WDR81: variants seen among roughly 807,000 people sequenced by gnomAD.
The protein encoded by WDR81 is WD repeat domain 81.
Under a neutral mutation model 140.8 loss-of-function variants are expected in WDR81, and 92 were observed. The observed-to-expected ratio is 0.65, with a 90% confidence interval of 0.55 to 0.78. WDR81 has a LOEUF of 0.78. Among genes scored for constraint, WDR81 ranks in the 30% least tolerant of loss-of-function variants. The pLI is 0.00. For missense variants in WDR81, 2,502 were observed against 2,636.4 expected (o/e 0.95, Z 1.12); for synonymous variants, 1,183 against 1,156.4 (o/e 1.02, Z -0.47).
chr17:1,725,898 G>C lies in WDR81; in HGVS notation c.939G>C (p.Glu313Asp). The change falls in exon 1 of 10, where the codon GAG becomes GAC. Residue 313 changes from glutamate to aspartate, a missense_variant. By Grantham distance (45) the Glu-to-Asp change is conservative (BLOSUM62 2). Transcript: ENST00000409644. The part of the protein sequence containing the change: ...LSAYERPEED[E>D]NEEAPVARDE... ...CTTATGAGAGGCCCGAGGAGGACGAGAATGAGGAGGCCCCTGTGGCAAGGG... is the reference window on the plus strand; with the variant it reads ...CTTATGAGAGGCCCGAGGAGGACGACAATGAGGAGGCCCCTGTGGCAAGGG... 6.4e-7 allele frequency: 1 copy of C among 1,550,864 alleles called. No homozygotes were observed. The highest frequency in any genetic ancestry group is 8.7e-7 in the Non-Finnish European group (1 of 1,146,974).
At position 1,732,846 on chromosome 17, in the gene WDR81, C is replaced by T. The variant is rs373245379; in HGVS notation, c.4489+15C>T. ...CTGCCTGTTGGGTACTGCCCCATCA[C>T]GTTCCCCATCACAGTCTTCGTGGCT... On this transcript the variant is annotated intron_variant, in intron 6 of 9. Coordinates refer to ENST00000409644, the MANE Select transcript of WDR81 (RefSeq NM_001163809.2). 1.3e-5 allele frequency: 20 copies of T among 1,582,778 alleles called. No homozygotes were observed. Among genetic ancestry groups the T allele is most frequent in the Middle Eastern group, 3.4e-4 (2 of 5,952 alleles).
rs1346526023 is a variant in WDR81, at chr17:1,737,700, T to C, written c.*15T>C. On this transcript the variant is annotated 3_prime_UTR_variant, in exon 10 of 10. Transcript: ENST00000409644. ...TCCTGGCATAGACTGAGGCAGGAGC[T>C]GGCCGGGCAAGGGTGGGAAGACATC... 1 of 1,594,410 alleles carries C rather than the reference T, an allele frequency of 6.3e-7. No homozygotes were observed. Among genetic ancestry groups the C allele is most frequent in the South Asian group, 1.1e-5 (1 of 88,962 alleles).
chr17:1,738,487 ACAT>A lies in WDR81; in HGVS notation c.*803_*805del, dbSNP rs1905076951. 1 of 152,684 alleles carries A rather than the reference ACAT, an allele frequency of 6.5e-6. No individual in the cohort carries two copies. Among genetic ancestry groups the A allele is most frequent in the South Asian group, 2.1e-4 (1 of 4,848 alleles). 9.5% of individuals were successfully genotyped at this position (152,684 alleles called of 1,614,324 possible). On this transcript the variant is annotated 3_prime_UTR_variant, in exon 10 of 10. Coordinates refer to ENST00000409644, the MANE Select transcript of WDR81 (RefSeq NM_001163809.2). ...AAGACTTAAGCATCCCTGCGACCTC[ACAT>A]TCTAGACAGAGATGAGGTCCAGGGG...
chr17:1,726,008 T>C lies in WDR81; in HGVS notation c.1049T>C (p.Leu350Pro). Residue 350 changes from leucine (L) to proline (P), a missense_variant, in exon 1 of 10, where the codon CTA (leucine) becomes CCA (proline). Physicochemically the swap from Leu to Pro is moderately conservative, Grantham distance 98. Around this residue, in one of 3 missense-constraint regions of WDR81, gnomAD observed 547 missense variants for 513.8 expected, o/e 1.06. Transcript: ENST00000409644. ...CAGGAGGAACTTCGGAGCCTCGTGC[T>C]AGATTGGGTCCACGGCCGCATCAGC... Reference protein sequence around the residue: ...TGQEELRSLVLDWVHGRISNF... With the variant: ...TGQEELRSLVPDWVHGRISNF... 4.5e-6 allele frequency: 7 copies of C among 1,547,302 alleles called. No homozygotes were observed. The highest frequency in any genetic ancestry group is 6.1e-6 in the Non-Finnish European group (7 of 1,144,742).
rs1219298868 is a variant in WDR81 at position 1,728,343 on chromosome 17, G to T, written c.3384G>T (p.Gly1128=). The change falls in exon 1 of 10, where the codon GGG becomes GGT. Residue 1128 remains glycine, a synonymous_variant. Coordinates refer to ENST00000409644, the MANE Select transcript of WDR81 (RefSeq NM_001163809.2). ...SLGEERAPDE[G]GAPVDKSSLR... is the part of the protein sequence containing the mutation. ...GTGAGGAGCGGGCTCCAGACGAGGG[G>T]GGTGCCCCCGTGGACAAGAGCAGCC... 9 of 1,612,914 alleles carry T rather than the reference G, an allele frequency of 5.6e-6. No homozygotes were observed. The highest frequency in any genetic ancestry group is 6.8e-6 in the Non-Finnish European group (8 of 1,180,020).
chr17:1,736,179 A>G lies in WDR81; in HGVS notation c.5466A>G (p.Arg1822=). ...LLDTRTGLVL[R]GWPAHEGDIL... is the part of the protein sequence containing the mutation. ...ACACCCGCACAGGCCTGGTTCTGCG[A>G]GGCTGGCCAGCCCACGAGGGGGACA... The change falls in exon 9 of 10, where the codon CGA becomes CGG. Residue 1822 remains arginine, a synonymous_variant. Transcript: ENST00000409644. 2.5e-6 allele frequency: 4 copies of G among 1,599,506 alleles called. No individual in the cohort carries two copies. Among genetic ancestry groups the G allele is most frequent in the Non-Finnish European group, 3.4e-6 (4 of 1,179,622 alleles).
chr17:1,734,252 C>CT, intron 7 of WDR81, 36 bp downstream of exon 7: 1 of 1,503,132 alleles, frequency 6.7e-7, no homozygotes, highest in Non-Finnish European at 8.9e-7. Context: ...TCTCTTCCTG[C>CT]TCCTGCGCCC....
At position 1,727,830 on chromosome 17, in the gene WDR81, T is replaced by C. The variant is rs369322431; in HGVS notation, c.2871T>C (p.Asn957=). 2,177 of 1,550,572 alleles carry C rather than the reference T, an allele frequency of 1.4e-3. 6 individuals carry two copies. The highest frequency in any genetic ancestry group is 5.3e-3 in the Middle Eastern group (32 of 5,992). ...EPVAKALGPK[N]ANKYLLKPLI... ...TTGCCAAGGCACTGGGCCCCAAAAA[T>C]GCCAATAAGTACCTCCTGAAGCCGC... Residue 957 remains asparagine, a synonymous_variant, in exon 1 of 10, where the codon AAT becomes AAC. Coordinates refer to ENST00000409644, the MANE Select transcript of WDR81 (RefSeq NM_001163809.2).
At chr17:1,733,245 G>A (rs2151172728) in intron 6 of WDR81, among the ~76,000 whole-genome samples, 1 of 152,202 alleles carries the variant, frequency 6.6e-6, no homozygotes, top group East Asian at 1.9e-4. Flanking sequence ...TCCTGCCACT[G>A]AAATCTAAGC....
Position 1,733,664 on chromosome 17 carries a change from G to A in WDR81, c.4627G>A (p.Asp1543Asn). The A allele has an allele frequency of 6.2e-7, 1 of 1,609,320 alleles. No homozygotes were observed. Among genetic ancestry groups the A allele is most frequent in the Non-Finnish European group, 8.5e-7 (1 of 1,177,884 alleles). ...PTMPGTGPEW[D>N]PHGGGCPQDD... ...CATGCCCGGCACCGGGCCCGAGTGG[G>A]ACCCCCATGGTGGGGGCTGCCCTCA... Residue 1543 changes from aspartate to asparagine, a missense_variant, in exon 7 of 10, where the codon GAC becomes AAC. By Grantham distance (23) the Asp-to-Asn change is conservative. Transcript: ENST00000409644.
In WDR81 at chr17:1,732,412, G is replaced by A; in HGVS notation, c.4245G>A (p.Glu1415=). The change falls in exon 5 of 10, where the codon GAG becomes GAA. Residue 1415 remains glutamate (E), a synonymous_variant. Transcript: ENST00000409644. The part of the protein sequence containing the change: ...IALICLRIGQ[E]MVQQHLSEPV... ...TCATCTGCCTGCGCATTGGACAGGA[G>A]ATGGTCCAGCAGCACCTGAGCGAGC... 1 of 1,613,612 alleles carries A rather than the reference G, an allele frequency of 6.2e-7. No individual in the cohort carries two copies. Among genetic ancestry groups the A allele is most frequent in the Middle Eastern group, 1.6e-4 (1 of 6,062 alleles).
upstream of WDR81, among the ~76,000 whole-genome samples, chr17:1,723,323 C>T (rs897019011): frequency 6.6e-5 from 10 of 152,102 alleles, no homozygotes; most frequent in African/African-American, 2.4e-4. Context: ...GGGAACATTT[C>T]TTCCCCCAAA....
At chr17:1,719,277 G>T (rs978358695) in intron 1 of WDR81, among the ~76,000 whole-genome samples, 1 of 152,226 alleles carries the variant, frequency 6.6e-6, no homozygotes, top group African/African-American at 2.4e-5. Flanking sequence ...CCCGGGCGCG[G>T]TGGCTCATGC....
Position 1,730,496 on chromosome 17 carries a change from G to A in WDR81, c.3775+9G>A. ...GACGTCTTGTTATGTTGGTAAGGAG[G>A]CCTGCGGTCAGTGCTGGAGATGAGG... On this transcript the variant is annotated intron_variant, in intron 2 of 9. Transcript: ENST00000409644. 6.2e-7 allele frequency: 1 copy of A among 1,611,152 alleles called. No individual in the cohort carries two copies. The highest frequency in any genetic ancestry group is 2.2e-5 in the East Asian group (1 of 44,790).
In WDR81 at chr17:1,733,656, C is replaced by A. The variant is rs11657394; in HGVS notation, c.4619C>A (p.Pro1540His). 0.068 allele frequency: 109,990 copies of A among 1,607,680 alleles called. 4,198 individuals are homozygous for A. The highest frequency in any genetic ancestry group is 0.076 in the Non-Finnish European group (89,935 of 1,176,826). The change falls in exon 7 of 10, where the codon CCC becomes CAC. Residue 1540 changes from proline (P) to histidine (H), a missense_variant. Pro to His is a moderately conservative substitution (Grantham distance 77). Coordinates refer to ENST00000409644, the MANE Select transcript of WDR81 (RefSeq NM_001163809.2). ...GAGCCCACCATGCCCGGCACCGGGC[C>A]CGAGTGGGACCCCCATGGTGGGGGC... Reference protein sequence around the residue: ...SVEPTMPGTGPEWDPHGGGCP... With the variant: ...SVEPTMPGTGHEWDPHGGGCP...
chr17:1,723,463 TTA>T (rs1567715968), upstream of WDR81, among the ~76,000 whole-genome samples: 161 of 109,968 alleles, frequency 1.5e-3, no homozygotes, highest in East Asian at 1.7e-3. Flanking sequence ...TTATTTTTAT[TTA>T]TTTATTTATT....
In WDR81 at chr17:1,728,064, G is replaced by T; in HGVS notation, c.3105G>T (p.Gly1035=). Residue 1035 remains glycine (G), a synonymous_variant, in exon 1 of 10, where the codon GGG becomes GGT. Transcript: ENST00000409644. ...GGGCTGCTGAGGAGGAGGAGAGCGGGCTGCCCGGGGCCGGGCCTGGCTCCT... is the reference window on the plus strand; with the variant it reads ...GGGCTGCTGAGGAGGAGGAGAGCGGTCTGCCCGGGGCCGGGCCTGGCTCCT... The part of the protein sequence containing the change: ...LAGAAEEEES[G]LPGAGPGSCA... 6.3e-7 allele frequency: 1 copy of T among 1,579,476 alleles called. No individual in the cohort carries two copies. Among genetic ancestry groups the T allele is most frequent in the Non-Finnish European group, 8.6e-7 (1 of 1,163,494 alleles).
chr17:1,724,510 C>A, upstream of WDR81: 1 of 986,140 alleles, frequency 1.0e-6, no homozygotes, highest in African/African-American at 1.7e-5. Flanking sequence ...CGGTAGGCAT[C>A]GCCCTCCGCC....
Position 1,730,837 on chromosome 17 carries a change from C to T in WDR81, c.3858C>T (p.Val1286=). The change falls in exon 3 of 10, where the codon GTC becomes GTT. Residue 1286 remains valine (V), a synonymous_variant. Coordinates refer to ENST00000409644, the MANE Select transcript of WDR81 (RefSeq NM_001163809.2). ...SAGNIYQKRP[V]LGDIVSGPVL... is the part of the protein sequence containing the mutation. ...GCAACATCTACCAGAAGAGGCCGGTCCTGGGCGACATCGTGTCAGGGCCTG... is the reference window on the plus strand; with the variant it reads ...GCAACATCTACCAGAAGAGGCCGGTTCTGGGCGACATCGTGTCAGGGCCTG... 1 of 1,612,818 alleles carries T rather than the reference C, an allele frequency of 6.2e-7. No individual in the cohort carries two copies. The highest frequency in any genetic ancestry group is 8.5e-7 in the Non-Finnish European group (1 of 1,179,994).
Sources: gnomAD v4.1 joint callset for allele counts (sites outside exome capture counted in the v4.1 genomes callset) on GRCh38, gnomAD v4.1.1 for gene constraint, gnomAD v4.1.1 regional missense constraint, MANE v1.5 for transcripts, NCBI Gene and HGNC (gene_info 2026-07-23, HGNC 2026-07-21) for gene names.